The following PTPRC variants were observed in gnomAD, a reference collection of about 807,000 sequenced individuals.
PTPRC encodes receptor-type tyrosine-protein phosphatase C.
Under a neutral mutation model 155.9 loss-of-function variants are expected in PTPRC, and 44 were observed. The observed-to-expected ratio is 0.28, with a 90% confidence interval of 0.22 to 0.36. The LOEUF is 0.36. Ranked by LOEUF, PTPRC falls within the 10% of genes least tolerant of loss-of-function variation. The pLI is 1.00. For missense variants in PTPRC, 1,401 were observed against 1,564.6 expected (o/e 0.90, Z 1.76); for synonymous variants, 525 against 533.1 (o/e 0.98, Z 0.21).
intron 2 of PTPRC, among the ~76,000 whole-genome samples, chr1:198,650,739 G>A (rs1189051973): frequency 6.6e-6 from 1 of 151,792 alleles, no homozygotes; most frequent in Non-Finnish European, 1.5e-5. Context: ...ATGTGACAGT[G>A]TAAATAAACA....
chr1:198,694,767 C>G (rs1666112822), intron 3 of PTPRC: 1 of 947,742 alleles, frequency 1.1e-6, no homozygotes, highest in Admixed American at 6.2e-5. Context: ...TCTCCCACCC[C>G]CTTTTCTTTT....
chr1:198,722,267 C>A, intron 14 of PTPRC, 149 bp from the exon 15 acceptor site: 1 of 282,282 alleles, frequency 3.5e-6, no homozygotes, highest in Non-Finnish European at 6.3e-6. Context: ...CTGACATAAC[C>A]TTGAAGTTTA....
intron 2 of PTPRC, among the ~76,000 whole-genome samples, chr1:198,647,456 G>C (rs1663002904): frequency 6.6e-6 from 1 of 151,726 alleles, no homozygotes; most frequent in African/African-American, 2.4e-5. Flanking sequence ...TCCTTTTATT[G>C]TTATTTATGG....
intron 2 of PTPRC, among the ~76,000 whole-genome samples, chr1:198,655,033 A>G (rs183102158): frequency 6.6e-5 from 10 of 152,090 alleles, no homozygotes; most frequent in Admixed American, 3.3e-4. Context: ...GGATACAATC[A>G]AAATAAGTTA....
At chr1:198,683,238 C>A (rs1178792112) in intron 2 of PTPRC, among the ~76,000 whole-genome samples, 2 of 152,084 alleles carry the variant, frequency 1.3e-5, no homozygotes, top group Admixed American at 1.3e-4. Flanking sequence ...TCACATAGTA[C>A]CCGCTTATTA....
intron 2 of PTPRC, among the ~76,000 whole-genome samples, chr1:198,639,604 G>C (rs910014416): frequency 6.6e-6 from 1 of 151,926 alleles, no homozygotes; most frequent in African/African-American, 2.4e-5. Context: ...ATTTACAACT[G>C]TTCAAAGATA....
intron 2 of PTPRC, among the ~76,000 whole-genome samples, chr1:198,652,753 C>CA (rs1571783964): frequency 6.6e-6 from 1 of 151,718 alleles, no homozygotes; most frequent in Non-Finnish European, 1.5e-5. Flanking sequence ...AAGAGGTTCT[C>CA]ACCCATAGGA....
chr1:198,704,822 T>C (rs577132669), intron 8 of PTPRC, among the ~76,000 whole-genome samples: 1 of 152,262 alleles, frequency 6.6e-6, no homozygotes, highest in Non-Finnish European at 1.5e-5. Flanking sequence ...AATATACCTT[T>C]GTAACAAACT....
intron 2 of PTPRC, among the ~76,000 whole-genome samples, chr1:198,686,109 ATTTAAACATTT>A (rs1394251898): frequency 1.3e-5 from 2 of 152,114 alleles, no homozygotes; most frequent in Non-Finnish European, 2.9e-5. Context: ...ATTTGTGATC[ATTTAAACATTT>A]TGAGTTGTAA....
At chr1:198,744,281 G>T (rs906768401) in intron 26 of PTPRC, 78 bp downstream of exon 26, 1 of 1,384,978 alleles carries the variant, frequency 7.2e-7, no homozygotes. Flanking sequence ...TGTTTGCTAT[G>T]CACTTGACAT....
intron 2 of PTPRC, chr1:198,679,933 A>C: frequency 1.6e-6 from 1 of 613,196 alleles, no homozygotes; most frequent in East Asian, 3.0e-5. Context: ...CACTTTGCCC[A>C]GCTCGTCCAC....
intron 14 of PTPRC, 136 bp downstream of exon 14, chr1:198,718,438 G>T: frequency 1.3e-6 from 1 of 786,088 alleles, no homozygotes; most frequent in Non-Finnish European, 2.1e-6. Context: ...CACTTAAAGA[G>T]TCTCAAATAT....
chr1:198,684,841 C>T (rs1463012192), intron 2 of PTPRC, among the ~76,000 whole-genome samples: 1 of 151,904 alleles, frequency 6.6e-6, no homozygotes, highest in African/African-American at 2.4e-5. Context: ...CCTCATTCTC[C>T]CAAGTGCCTC....
Position 198,738,080 on chromosome 1 carries a change from T to C in PTPRC, c.2403+2828T>C, listed in dbSNP as rs920294758. Among the ~76,000 whole-genome samples the C allele has an allele frequency of 2.0e-5, 3 of 151,806 alleles. No individual in the cohort carries two copies. The South Asian group carries it at 6.2e-4, about 31-fold the overall frequency. On this transcript the variant is annotated intron_variant, in intron 23 of 32. Coordinates refer to ENST00000442510, the MANE Select transcript of PTPRC (RefSeq NM_002838.5). ...GGTGGAGTATTTAGGTTTTTCCAAA[T>C]ATAAGATAATGGAATGTGCAAACAA...
chr1:198,752,073 C>T (rs762015731), intron 29 of PTPRC, among the ~76,000 whole-genome samples, 176 bp from the exon 30 acceptor site: 3 of 151,970 alleles, frequency 2.0e-5, no homozygotes, highest in South Asian at 2.1e-4. Flanking sequence ...TTAAATGGGT[C>T]GCCAGCACTT....
rs538426070 is a variant in PTPRC, at chr1:198,731,766, C to CAA, written c.1974+41_1974+42dup. The stretch of plus-strand genomic sequence containing the variant: ...TGTTATATGATGATAAATTCGACAT[C>CAA]AAGACAGTTCCACTTTAAGTGTATT... On this transcript the variant is annotated intron_variant, in intron 18 of 32. Transcript: ENST00000442510. 2.4e-4 allele frequency: 338 copies of CAA among 1,428,782 alleles called. No individual in the cohort carries two copies. The African/African-American group carries it at 4.3e-3, about 18-fold the overall frequency. 88.5% of individuals were successfully genotyped at this position (1,428,782 alleles called of 1,614,324 possible).
In PTPRC at chr1:198,756,857, G is replaced by A. The variant is rs1399894436; in HGVS notation, c.*676G>A. The A allele has an allele frequency of 6.6e-6, 1 of 151,860 alleles. No individual in the cohort carries two copies. Among genetic ancestry groups the A allele is most frequent in the Non-Finnish European group, 1.5e-5 (1 of 67,886 alleles). 9.4% of individuals were successfully genotyped at this position (151,860 alleles called of 1,614,324 possible). On this transcript the variant is annotated 3_prime_UTR_variant, in exon 33 of 33. Transcript: ENST00000442510. ...AGCTTATTTAATTAAAAAATTTCCA[G>A]TGAGCTTATCATGCTGTCTTTACAT...
chr1:198,639,548 CA>C (rs912060915), intron 2 of PTPRC, among the ~76,000 whole-genome samples: 33 of 151,872 alleles, frequency 2.2e-4, no homozygotes, highest in Admixed American at 1.6e-3. Flanking sequence ...TGTTTCGGGA[CA>C]AAAAATACAA....
chr1:198,642,904 C>CCT (rs1662683480), intron 2 of PTPRC, among the ~76,000 whole-genome samples: 1 of 143,446 alleles, frequency 7.0e-6, no homozygotes, highest in Admixed American at 7.1e-5. Flanking sequence ...TTCTTTCTTT[C>CCT]TTCCTTTCTT....
Sources: allele counts gnomAD v4.1 joint callset (sites outside exome capture counted in the v4.1 genomes callset), GRCh38; gene constraint gnomAD v4.1.1; transcripts MANE v1.5; gene names NCBI Gene and HGNC (gene_info 2026-07-23, HGNC 2026-07-21).